Variants in NCOA1 observed in about 807,000 individuals in gnomAD.
NCOA1 encodes Hin-2 protein.
A neutral mutation model predicts 150.9 loss-of-function variants in NCOA1; 35 were observed. That is an observed-to-expected ratio of 0.23 (90% CI 0.18 to 0.31). The LOEUF (loss-of-function observed/expected upper bound fraction) is 0.31, where lower values mean the gene tolerates loss of function less well. NCOA1 is among the 10% of genes least tolerant of loss of function. The pLI is 1.00. For synonymous variants in NCOA1, 590 were observed against 630.0 expected (o/e 0.94, Z 0.95); for missense variants, 1,491 against 1,749.3 (o/e 0.85, Z 2.63).
intron 3 of NCOA1, among the ~76,000 whole-genome samples, chr2:24,632,194 G>A (rs1669737789): frequency 6.6e-6 from 1 of 152,052 alleles, no homozygotes. Context: ...TTTTTGAAGG[G>A]GTAGAACAGC....
chr2:24,714,893 T>A (rs772272403), intron 14 of NCOA1, among the ~76,000 whole-genome samples: 2 of 152,002 alleles, frequency 1.3e-5, no homozygotes, highest in Non-Finnish European at 2.9e-5. Context: ...AGCCATGTCA[T>A]AATCAAATTG....
intron 2 of NCOA1, among the ~76,000 whole-genome samples, chr2:24,577,965 C>CTG (rs1667057054): frequency 6.6e-6 from 1 of 152,100 alleles, no homozygotes; most frequent in African/African-American, 2.4e-5. Flanking sequence ...GTTAACTCAG[C>CTG]TGTGGTCATG....
chr2:24,738,798 A>G (rs1009399691), intron 17 of NCOA1, among the ~76,000 whole-genome samples: 1 of 152,160 alleles, frequency 6.6e-6, no homozygotes, highest in East Asian at 1.9e-4. Context: ...GTTCTTTAGC[A>G]TTGTTCTTTA....
At position 24,707,075 on chromosome 2, in the gene NCOA1, C is replaced by A; in HGVS notation, c.1605C>A (p.Asn535Lys). Reference sequence around the variant, plus strand: ...ATAATAATAACCGATCTTATTCAAACATCCCAGTAACATCTTTACAGGGTA... The same window carrying A: ...ATAATAATAACCGATCTTATTCAAAAATCCCAGTAACATCTTTACAGGGTA... Reference protein sequence around the residue: ...ACNNNNRSYSNIPVTSLQGMN... With the variant: ...ACNNNNRSYSKIPVTSLQGMN... Residue 535 changes from asparagine (N) to lysine (K), a missense_variant, in exon 13 of 23, where the codon AAC (asparagine) becomes AAA (lysine). Physicochemically the swap from Asn to Lys is moderately conservative, Grantham distance 94. This residue lies in a region of NCOA1 where 703 missense variants were observed against 717.7 expected (regional missense o/e 0.98). Transcript: ENST00000348332. 1 of 1,614,180 alleles carries A rather than the reference C, an allele frequency of 6.2e-7. No individual in the cohort carries two copies. Among genetic ancestry groups the A allele is most frequent in the Non-Finnish European group, 8.5e-7 (1 of 1,180,024 alleles).
intron 20 of NCOA1, among the ~76,000 whole-genome samples, chr2:24,755,154 G>A (rs950203092): frequency 1.3e-5 from 2 of 152,252 alleles, no homozygotes; most frequent in African/African-American, 4.8e-5. Context: ...TCTAGTTGGT[G>A]AGGGGGCAGG....
intron 1 of NCOA1, among the ~76,000 whole-genome samples, chr2:24,520,430 C>T (rs1293947009): frequency 6.6e-6 from 1 of 152,112 alleles, no homozygotes; most frequent in Non-Finnish European, 1.5e-5. Flanking sequence ...ATGAAATAAC[C>T]ATATGCCCAA....
intron 22 of NCOA1, among the ~76,000 whole-genome samples, chr2:24,764,710 G>A (rs1009586932): frequency 1.3e-5 from 2 of 152,218 alleles, no homozygotes; most frequent in African/African-American, 4.8e-5. Context: ...TAAACTGAGG[G>A]ATTTGGATTC....
At chr2:24,761,743 G>C (rs1240255973) in intron 21 of NCOA1, among the ~76,000 whole-genome samples, 1 of 151,952 alleles carries the variant, frequency 6.6e-6, no homozygotes, top group Non-Finnish European at 1.5e-5. Flanking sequence ...CTAGGAAATG[G>C]TTACTTGGAA....
At position 24,633,535 on chromosome 2, in the gene NCOA1, C is replaced by T. The variant is rs565803448; in HGVS notation, c.-174-10431C>T. On this transcript the variant is annotated intron_variant, in intron 3 of 22. Transcript: ENST00000348332. ...GGCGAAGTACTTATTGAGTGCTTGG[C>T]GTAATGGATGAAAAGAGACCAATAC... Among the ~76,000 whole-genome samples, 154 of 151,810 alleles carry T rather than the reference C, an allele frequency of 1.0e-3. 1 individual carries two copies. The highest frequency in any genetic ancestry group is 3.6e-3 in the African/African-American group (148 of 41,388).
chr2:24,719,787 A>G (rs573185127), intron 14 of NCOA1, among the ~76,000 whole-genome samples: 1 of 152,302 alleles, frequency 6.6e-6, no homozygotes, highest in South Asian at 2.1e-4. Context: ...AGGCCTCCAG[A>G]GAAGAAATGA....
chr2:24,607,686 G>A (rs1211736836), intron 3 of NCOA1, among the ~76,000 whole-genome samples: 1 of 149,332 alleles, frequency 6.7e-6, no homozygotes, highest in Non-Finnish European at 1.5e-5. Context: ...CGAGACTCTT[G>A]TCTAAAAAAA....
intron 3 of NCOA1, among the ~76,000 whole-genome samples, chr2:24,608,815 A>G (rs770463774): frequency 1.3e-5 from 2 of 148,766 alleles, no homozygotes; most frequent in Non-Finnish European, 1.5e-5. Context: ...CTGGTCTATG[A>G]CACTTTCTGG....
intron 20 of NCOA1, among the ~76,000 whole-genome samples, chr2:24,756,200 G>T (rs1403239918): frequency 6.6e-6 from 1 of 152,152 alleles, no homozygotes; most frequent in East Asian, 1.9e-4. Flanking sequence ...GTTACGGTGA[G>T]CTGAGTTTGC....
At chr2:24,750,286 G>A (rs1253503073) in intron 19 of NCOA1, among the ~76,000 whole-genome samples, 1 of 152,122 alleles carries the variant, frequency 6.6e-6, no homozygotes, top group Non-Finnish European at 1.5e-5. Context: ...AGGACCTAGA[G>A]TAGCCAAAAT....
intron 3 of NCOA1, among the ~76,000 whole-genome samples, chr2:24,599,293 A>G (rs1411350030): frequency 6.6e-6 from 1 of 152,218 alleles, no homozygotes; most frequent in East Asian, 1.9e-4. Flanking sequence ...CTGAGACACA[A>G]AATATGGTAT....
At position 24,690,376 on chromosome 2, in the gene NCOA1, C is replaced by T. The variant is rs544865670; in HGVS notation, c.533-1105C>T. Among the ~76,000 whole-genome samples, 7 of 152,002 alleles carry T rather than the reference C, an allele frequency of 4.6e-5. No individual in the cohort carries two copies. The South Asian group carries it at 1.5e-3, about 32-fold the overall frequency. On this transcript the variant is annotated intron_variant, in intron 8 of 22. Coordinates refer to ENST00000348332, the MANE Select transcript of NCOA1 (RefSeq NM_003743.5). ...GGAACAGTAAAAAAGCAGCCTTGGC[C>T]AGGCGTGGTGGCTCACACCTGTAAT...
At chr2:24,569,552 A>ATTTTTTTTTTTTTTTTTTTT (rs200639064) in intron 2 of NCOA1, among the ~76,000 whole-genome samples, 1 of 93,802 alleles carries the variant, frequency 1.1e-5, no homozygotes, top group African/African-American at 4.0e-5. Flanking sequence ...GGTTTTATTA[A>ATTTTTTTTTTTTTTTTTTTT]TTTTTTTTTT....
At chr2:24,499,933 G>C (rs1295503745) in intron 1 of NCOA1, among the ~76,000 whole-genome samples, 1 of 152,206 alleles carries the variant, frequency 6.6e-6, no homozygotes, top group Admixed American at 6.5e-5. Flanking sequence ...TAGTAATTCA[G>C]AGATGATACA....
At chr2:24,593,049 G>A (rs1667725429) in intron 3 of NCOA1, among the ~76,000 whole-genome samples, 1 of 152,004 alleles carries the variant, frequency 6.6e-6, no homozygotes, top group Admixed American at 6.6e-5. Context: ...GAATTAATGA[G>A]GGAAAAAGGA....
Sources: allele counts gnomAD v4.1 joint callset (sites outside exome capture counted in the v4.1 genomes callset), GRCh38; gene constraint gnomAD v4.1.1; regional missense constraint gnomAD v4.1.1; transcripts MANE v1.5; gene names NCBI Gene and HGNC (gene_info 2026-07-23, HGNC 2026-07-21).